ADAM28: variants seen among roughly 807,000 people sequenced by gnomAD.
The protein encoded by ADAM28 is ADAM metallopeptidase domain 28, also known as disintegrin and metalloproteinase domain-containing protein 28.
A neutral mutation model predicts 101.2 loss-of-function variants in ADAM28; 105 were observed. The observed-to-expected ratio is 1.04, with a 90% confidence interval of 0.89 to 1.22. The LOEUF (loss-of-function observed/expected upper bound fraction) is 1.22, where lower values mean the gene tolerates loss of function less well. Ranked by LOEUF, ADAM28 falls within the 50% of genes most tolerant of loss-of-function variation. The pLI is 0.00. For missense variants in ADAM28, 1,028 were observed against 945.4 expected, an observed-to-expected ratio of 1.09 and a Z score of -1.15; for synonymous variants, 322 against 310.6, an observed-to-expected ratio of 1.04 and a Z score of -0.39.
At chr8:24,347,832 G>T (rs577157432) in intron 18 of ADAM28, among the ~76,000 whole-genome samples, 3 of 151,986 alleles carry the variant, frequency 2.0e-5, no homozygotes, top group Admixed American at 6.6e-5. Context: ...TAGCTGTAAC[G>T]TATTTGTTTT....
At chr8:24,294,409 C>G (rs530601504) in intron 1 of ADAM28, among the ~76,000 whole-genome samples, 15 of 152,200 alleles carry the variant, frequency 9.9e-5, no homozygotes, top group Non-Finnish European at 1.6e-4. Context: ...AGGTCTTGAA[C>G]CAATATGTAT....
At chr8:24,340,511 G>A (rs767420954) in intron 15 of ADAM28, among the ~76,000 whole-genome samples, 11 of 152,198 alleles carry the variant, frequency 7.2e-5, no homozygotes, top group Non-Finnish European at 1.3e-4. Context: ...AGTGGGTCTC[G>A]CCATCTTTCC....
intron 8 of ADAM28, among the ~76,000 whole-genome samples, 199 bp from the exon 9 acceptor site, chr8:24,323,635 T>G (rs1812167650): frequency 6.6e-6 from 1 of 151,956 alleles, no homozygotes; most frequent in Admixed American, 6.6e-5. Context: ...CTAAACTATC[T>G]TAGTGTATTT....
chr8:24,303,593 C>A (rs1456686264), intron 2 of ADAM28, among the ~76,000 whole-genome samples: 1 of 152,050 alleles, frequency 6.6e-6, no homozygotes, highest in Non-Finnish European at 1.5e-5. Context: ...CAGCTTTGTT[C>A]TTTTTGCTTA....
chr8:24,357,387 A>G lies in ADAM28; in HGVS notation c.*2983A>G, dbSNP rs761196944. On this transcript the variant is annotated 3_prime_UTR_variant, in exon 23 of 23. Transcript: ENST00000265769. ...AATACCACCTGAGACTGGGTAATTTATAAAGAAAGGAGGATTAATTGACTC... is the reference window on the plus strand; with the variant it reads ...AATACCACCTGAGACTGGGTAATTTGTAAAGAAAGGAGGATTAATTGACTC... The G allele has an allele frequency of 1.3e-5, 2 of 152,228 alleles. No individual in the cohort carries two copies. Among genetic ancestry groups the G allele is most frequent in the Non-Finnish European group, 2.9e-5 (2 of 68,046 alleles). 9.4% of individuals were successfully genotyped at this position (152,228 alleles called of 1,614,324 possible). A position where few individuals can be genotyped will look rare whatever the true frequency, so the allele number is the denominator to read the frequency against.
chr8:24,351,768 A>AACATTGGTAATCATTTCATTTATT (rs1816182162), intron 20 of ADAM28, among the ~76,000 whole-genome samples: 1 of 152,132 alleles, frequency 6.6e-6, no homozygotes, highest in Non-Finnish European at 1.5e-5. Context: ...AATCATTTAT[A>AACATTGGTAATCATTTCATTTATT]ACATTGGTAA....
chr8:24,352,427 G>A (rs184918685), intron 21 of ADAM28, among the ~76,000 whole-genome samples: 6 of 152,274 alleles, frequency 3.9e-5, no homozygotes, highest in South Asian at 2.1e-4. Flanking sequence ...CTGGTGAAGC[G>A]GCCTTCTGGC....
chr8:24,318,248 A>C (rs1811422468), intron 6 of ADAM28, among the ~76,000 whole-genome samples: 1 of 151,916 alleles, frequency 6.6e-6, no homozygotes, highest in Non-Finnish European at 1.5e-5. Flanking sequence ...CTCTGTTTCC[A>C]TTCCTTGGTA....
rs1813323660 is a variant in ADAM28, at chr8:24,331,270, A to G, written c.1224A>G (p.Pro408=). ...TGCCTACAGATATCATATCCACTCC[A>G]ATTTGTGGGAACCAGTTGGTGGAAA... ...APLPTDIIST[P]ICGNQLVEMG... is the part of the protein sequence containing the mutation. The change falls in exon 12 of 23, where the codon CCA becomes CCG. Residue 408 remains proline (P), a synonymous_variant. Coordinates refer to ENST00000265769, the MANE Select transcript of ADAM28 (RefSeq NM_014265.6). 1 of 1,612,474 alleles carries G rather than the reference A, an allele frequency of 6.2e-7. No homozygotes were observed. Among genetic ancestry groups the G allele is most frequent in the Non-Finnish European group, 8.5e-7 (1 of 1,179,224 alleles).
At chr8:24,348,541 C>T (rs1190171870) in intron 18 of ADAM28, among the ~76,000 whole-genome samples, 2 of 152,164 alleles carry the variant, frequency 1.3e-5, no homozygotes, top group Non-Finnish European at 2.9e-5. Context: ...TGCCCACTCA[C>T]TAATCTCTAC....
rs1816760199 is a variant in ADAM28, at chr8:24,357,551, C to A, written c.*3147C>A. 6.6e-6 allele frequency: 1 copy of A among 152,064 alleles called. No individual in the cohort carries two copies. The highest frequency in any genetic ancestry group is 1.5e-5 in the Non-Finnish European group (1 of 68,002). The allele number at this position is 152,064 out of a possible 1,614,324, so 9.4% of individuals were successfully genotyped here. A position where few individuals can be genotyped will look rare whatever the true frequency, so the allele number is the denominator to read the frequency against. On this transcript the variant is annotated 3_prime_UTR_variant, in exon 23 of 23. Transcript: ENST00000265769. ...ATAAAACCATCAGATCTCTTGAGAG[C>A]TTACTATCTCGACAAAAGCATGGGG... is the stretch of plus-strand genomic sequence containing the variant.
intron 6 of ADAM28, among the ~76,000 whole-genome samples, chr8:24,318,501 G>A (rs986208746): frequency 2.6e-5 from 4 of 151,812 alleles, no homozygotes; most frequent in African/African-American, 9.7e-5. Context: ...TTTATCTCTA[G>A]CCTCTGCCCC....
intron 11 of ADAM28, among the ~76,000 whole-genome samples, chr8:24,330,855 C>G (rs1813271682): frequency 6.6e-6 from 1 of 152,076 alleles, no homozygotes; most frequent in Non-Finnish European, 1.5e-5. Context: ...TATTTTGGTA[C>G]CTTTAGGTCT....
rs769781234 is a variant in ADAM28, at chr8:24,311,443, A to G, written c.383+6A>G. ...AGCACATGTAGGGGTCTAAGGTAAGACTTCAGGAATGTTTTGCATGTACCT... is the reference window on the plus strand; with the variant it reads ...AGCACATGTAGGGGTCTAAGGTAAGGCTTCAGGAATGTTTTGCATGTACCT... On this transcript the variant is annotated splice_donor_region_variant and intron_variant, in intron 5 of 22. Coordinates refer to ENST00000265769, the MANE Select transcript of ADAM28 (RefSeq NM_014265.6). 1.2e-6 allele frequency: 2 copies of G among 1,609,820 alleles called. No individual in the cohort carries two copies. Among genetic ancestry groups the G allele is most frequent in the South Asian group, 1.1e-5 (1 of 90,350 alleles).
intron 7 of ADAM28, 41 bp from the exon 8 acceptor site, chr8:24,321,176 AT>A: frequency 7.7e-7 from 1 of 1,302,436 alleles, no homozygotes; most frequent in Non-Finnish European, 1.1e-6. Context: ...AAGTATATTC[AT>A]TTTTATCAAT....
At chr8:24,321,359 C>T (rs535101557) in intron 8 of ADAM28, 70 bp downstream of exon 8, 59 of 1,260,176 alleles carry the variant, frequency 4.7e-5, no homozygotes, top group African/African-American at 2.1e-4. Flanking sequence ...TTTCAATGAA[C>T]GCACATGAAG....
intron 2 of ADAM28, among the ~76,000 whole-genome samples, chr8:24,306,379 TATATATTTAAAA>T (rs1563270689): frequency 2.8e-4 from 39 of 138,082 alleles, no homozygotes; most frequent in Admixed American, 5.1e-4. Context: ...TATATATATA[TATATATTTAAAA>T]ATATATATAT....
intron 1 of ADAM28, among the ~76,000 whole-genome samples, chr8:24,299,098 T>C (rs1212507987): frequency 2.7e-5 from 4 of 150,340 alleles, no homozygotes; most frequent in Non-Finnish European, 5.9e-5. Context: ...GAGGCTGAGG[T>C]GGAAGGATGG....
intron 21 of ADAM28, among the ~76,000 whole-genome samples, chr8:24,352,672 A>G (rs1816303312): frequency 6.6e-6 from 1 of 152,122 alleles, no homozygotes; most frequent in African/African-American, 2.4e-5. Flanking sequence ...TCAGATACCT[A>G]TTGACATTGG....
Sources: allele counts gnomAD v4.1 joint callset (sites outside exome capture counted in the v4.1 genomes callset), GRCh38; gene constraint gnomAD v4.1.1; transcripts MANE v1.5; gene names NCBI Gene and HGNC (gene_info 2026-07-23, HGNC 2026-07-21).